The following BICD1 variants were observed in gnomAD, a reference collection of about 807,000 sequenced individuals.
BICD1 encodes protein bicaudal D homolog 1.
A neutral mutation model predicts 92.5 loss-of-function variants in BICD1; 35 were observed. The ratio of observed to expected loss-of-function variants is 0.38; its 90% CI spans 0.29 to 0.50. BICD1 has a LOEUF of 0.50. Ranked by LOEUF, BICD1 falls within the 20% of genes least tolerant of loss-of-function variation. The pLI, the probability that BICD1 is intolerant of heterozygous loss-of-function variation, is 0.93. For synonymous variants in BICD1, 429 were observed against 465.1 expected, an observed-to-expected ratio of 0.92 and a Z score of 1.00; for missense variants, 950 against 1,189.8, an observed-to-expected ratio of 0.80 and a Z score of 2.97.
intron 1 of BICD1, among the ~76,000 whole-genome samples, chr12:32,140,877 A>G (rs1299158326): frequency 1.3e-5 from 2 of 152,210 alleles, no homozygotes; most frequent in Non-Finnish European, 2.9e-5. Flanking sequence ...CATGTTATAC[A>G]CCAGAGGAAA....
intron 1 of BICD1, among the ~76,000 whole-genome samples, chr12:32,111,002 GT>G (rs112591320): frequency 1.0e-3 from 153 of 150,806 alleles, no homozygotes; most frequent in Non-Finnish European, 1.0e-3. Context: ...AAAAAAAAGA[GT>G]TTTTTTTTAA....
At chr12:32,189,952 G>A (rs1015920874) in intron 1 of BICD1, among the ~76,000 whole-genome samples, 2 of 152,088 alleles carry the variant, frequency 1.3e-5, no homozygotes, top group African/African-American at 2.4e-5. Context: ...GCTCACCTCC[G>A]CCTCCCAAAG....
At chr12:32,257,592 G>T (rs925072623) in intron 2 of BICD1, among the ~76,000 whole-genome samples, 5 of 152,110 alleles carry the variant, frequency 3.3e-5, no homozygotes, top group African/African-American at 9.7e-5. Context: ...ATCTAGTAAA[G>T]CTAAAGATGT....
At chr12:32,134,544 G>A (rs936941413) in intron 1 of BICD1, among the ~76,000 whole-genome samples, 2 of 152,162 alleles carry the variant, frequency 1.3e-5, no homozygotes, top group African/African-American at 2.4e-5. Flanking sequence ...GCCATCTGAG[G>A]AGAGAGAGAC....
chr12:32,246,573 G>T (rs964870305), intron 2 of BICD1, among the ~76,000 whole-genome samples: 1 of 152,118 alleles, frequency 6.6e-6, no homozygotes, highest in Non-Finnish European at 1.5e-5. Flanking sequence ...GGGGGGTTGA[G>T]GCTGCAGTGA....
intron 2 of BICD1, among the ~76,000 whole-genome samples, chr12:32,255,812 C>T (rs1946701578): frequency 6.6e-6 from 1 of 152,160 alleles, no homozygotes; most frequent in African/African-American, 2.4e-5. Flanking sequence ...AGAATTACTC[C>T]CTTGGCCAGC....
At chr12:32,220,788 T>G in intron 2 of BICD1, among the ~76,000 whole-genome samples, 1 of 135,840 alleles carries the variant, frequency 7.4e-6, no homozygotes, top group Admixed American at 7.8e-5. Context: ...TAAAGACACA[T>G]GCACACGTAT....
At chr12:32,294,742 G>A (rs199623031) in intron 3 of BICD1, among the ~76,000 whole-genome samples, 7 of 150,580 alleles carry the variant, frequency 4.6e-5, no homozygotes, top group East Asian at 3.9e-4. Context: ...CTTTCAAATC[G>A]TAGAGGGGAA....
At chr12:32,305,439 G>C (rs1393125943) in intron 3 of BICD1, among the ~76,000 whole-genome samples, 3 of 151,132 alleles carry the variant, frequency 2.0e-5, no homozygotes, top group African/African-American at 7.3e-5. Context: ...TTATATAGAT[G>C]TATATTATTA....
At chr12:32,187,891 T>TG (rs2121528783) in intron 1 of BICD1, among the ~76,000 whole-genome samples, 1 of 152,306 alleles carries the variant, frequency 6.6e-6, no homozygotes, top group African/African-American at 2.4e-5. Context: ...TTGTTGTTGT[T>TG]TTTTGAGACG....
chr12:32,240,496 A>C (rs1946205903), intron 2 of BICD1, among the ~76,000 whole-genome samples: 1 of 152,068 alleles, frequency 6.6e-6, no homozygotes, highest in Admixed American at 6.5e-5. Context: ...ATCTTGTTTC[A>C]ATGTCACGTT....
At chr12:32,222,023 T>G (rs1396140788) in intron 2 of BICD1, among the ~76,000 whole-genome samples, 1 of 152,186 alleles carries the variant, frequency 6.6e-6, no homozygotes, top group Non-Finnish European at 1.5e-5. Flanking sequence ...TATACTAAAC[T>G]AAACTAAAAT....
intron 1 of BICD1, among the ~76,000 whole-genome samples, chr12:32,171,859 A>G (rs1007491505): frequency 2.6e-5 from 4 of 151,688 alleles, no homozygotes; most frequent in Non-Finnish European, 5.9e-5. Flanking sequence ...GCTTGAACCC[A>G]GGAGGCGGAG....
intron 4 of BICD1, among the ~76,000 whole-genome samples, chr12:32,320,549 G>A (rs1948625050): frequency 6.6e-6 from 1 of 152,156 alleles, no homozygotes; most frequent in Admixed American, 6.5e-5. Context: ...GGCTGAGGCA[G>A]GAGAATTGCT....
rs1444923560 is a variant in BICD1, at chr12:32,307,293, C to T, written c.1005+1171C>T. ...ATCTAAGACCAAAGGATTCTTATTG[C>T]AACATGAGTTAAACCTTAAATTTTT... On this transcript the variant is annotated intron_variant, in intron 4 of 9. Coordinates refer to ENST00000652176, the MANE Select transcript of BICD1 (RefSeq NM_001714.4). 2.6e-5 allele frequency among the ~76,000 whole-genome samples: 4 copies of T among 152,172 alleles called. No homozygotes were observed. In the South Asian group the frequency reaches 8.3e-4, roughly 32 times the overall value.
intron 2 of BICD1, among the ~76,000 whole-genome samples, chr12:32,223,611 G>A (rs1007945593): frequency 4.6e-5 from 7 of 151,642 alleles, no homozygotes; most frequent in Admixed American, 4.6e-4. Flanking sequence ...CTTCATGTCA[G>A]AAATGAGACT....
intron 1 of BICD1, among the ~76,000 whole-genome samples, chr12:32,181,406 C>T (rs1049485398): frequency 2.0e-5 from 3 of 149,744 alleles, no homozygotes; most frequent in Non-Finnish European, 3.0e-5. Flanking sequence ...GGCAACAGAG[C>T]GAGACTCTGT....
Position 32,328,060 on chromosome 12 carries a change from G to A in BICD1, c.1605G>A (p.Leu535=). The A allele has an allele frequency of 1.9e-6, 3 of 1,614,138 alleles. No homozygotes were observed. The highest frequency in any genetic ancestry group is 2.5e-6 in the Non-Finnish European group (3 of 1,180,026). Residue 535 remains leucine, a synonymous_variant, in exon 5 of 10, where the codon CTG becomes CTA. Transcript: ENST00000652176. This position sits in a 1 kb window ranked among gnomAD's most constrained non-coding sequence, Gnocchi z 4.4. ...ATGAAACTCCCAACAGGGTCATGCT[G>A]GATTACTATAGGCAGAGCAGAGTCA... ...CNNETPNRVM[L]DYYRQSRVTR...
At chr12:32,355,045 G>C (rs1939045246) in intron 8 of BICD1, among the ~76,000 whole-genome samples, 1 of 152,060 alleles carries the variant, frequency 6.6e-6, no homozygotes, top group South Asian at 2.1e-4. Flanking sequence ...TCATTTTGTA[G>C]ATTTAGTGAG....
Sources: gnomAD v4.1 joint callset for allele counts (sites outside exome capture counted in the v4.1 genomes callset) on GRCh38, gnomAD v4.1.1 for gene constraint, Gnocchi (gnomAD v3.1) non-coding constraint, MANE v1.5 for transcripts, NCBI Gene and HGNC (gene_info 2026-07-23, HGNC 2026-07-21) for gene names.